Variants in RMC1 observed in about 807,000 individuals in gnomAD.
RMC1 encodes the protein regulator of MON1-CCZ1 complex.
A neutral mutation model predicts 95.5 loss-of-function variants in RMC1; 44 were observed. The ratio of observed to expected loss-of-function variants is 0.46; its 90% CI spans 0.36 to 0.59. The LOEUF (loss-of-function observed/expected upper bound fraction) is 0.59, where lower values mean the gene tolerates loss of function less well. Among genes scored for constraint, RMC1 ranks in the 20% least tolerant of loss-of-function variants. The pLI is 0.00. For missense variants in RMC1, 705 were observed against 819.6 expected (o/e 0.86, Z 1.71); for synonymous variants, 320 against 303.6 (o/e 1.05, Z -0.56).
At chr18:23,515,557 C>G (rs1054697781) in intron 5 of RMC1, among the ~76,000 whole-genome samples, 1 of 152,198 alleles carries the variant, frequency 6.6e-6, no homozygotes, top group African/African-American at 2.4e-5. Context: ...GAGACTGAAT[C>G]TCGCTCTGTC....
At chr18:23,513,095 A>G (rs1195031935) in intron 5 of RMC1, among the ~76,000 whole-genome samples, 1 of 152,064 alleles carries the variant, frequency 6.6e-6, no homozygotes, top group Non-Finnish European at 1.5e-5. Flanking sequence ...CTGGGATTAC[A>G]GGTGTGCGCC....
intron 1 of RMC1, 90 bp downstream of exon 1, chr18:23,503,810 C>T (rs1035575641): frequency 9.0e-7 from 1 of 1,107,418 alleles, no homozygotes; most frequent in Non-Finnish European, 1.2e-6. Flanking sequence ...GCCCGAGCGT[C>T]CCCTCCTGTC....
chr18:23,503,909 C>A (rs1188247705), intron 1 of RMC1, among the ~76,000 whole-genome samples, 189 bp downstream of exon 1: 1 of 152,084 alleles, frequency 6.6e-6, no homozygotes, highest in Non-Finnish European at 1.5e-5. Flanking sequence ...TCGCAGGTGA[C>A]CTCGGGGCTG....
At position 23,527,852 on chromosome 18, in the gene RMC1, T is replaced by C; in HGVS notation, c.1247T>C (p.Leu416Pro). The C allele has an allele frequency of 6.2e-7, 1 of 1,614,126 alleles. No homozygotes were observed. The highest frequency in any genetic ancestry group is 8.5e-7 in the Non-Finnish European group (1 of 1,180,014). ...GTGATAGCCACTGTTTTTGATAAAC[T>C]CAACCATGAGTATAAAAAGTACCTG... ...LPVIATVFDK[L>P]NHEYKKYLDA... Residue 416 changes from leucine to proline, a missense_variant, in exon 14 of 20, where the codon CTC becomes CCC. Transcript: ENST00000269221.
intron 5 of RMC1, among the ~76,000 whole-genome samples, chr18:23,514,801 A>G (rs1567919084): frequency 6.6e-6 from 1 of 151,808 alleles, no homozygotes; most frequent in Non-Finnish European, 1.5e-5. Flanking sequence ...AAGAAAGAAG[A>G]CTCTAGCACA....
intron 12 of RMC1, among the ~76,000 whole-genome samples, chr18:23,524,945 T>TC (rs1286496189): frequency 1.4e-5 from 2 of 139,266 alleles, no homozygotes. Flanking sequence ...AGAAATCTTT[T>TC]TTTTTTTTTT....
intron 9 of RMC1, among the ~76,000 whole-genome samples, chr18:23,519,509 T>G (rs1283555572): frequency 6.7e-6 from 1 of 150,110 alleles, no homozygotes; most frequent in Non-Finnish European, 1.5e-5. Flanking sequence ...TGGAGCAAGA[T>G]CCTGTCTCCG....
At chr18:23,516,201 G>T (rs1434872174) in intron 6 of RMC1, 119 bp from the exon 7 acceptor site, 1 of 1,357,122 alleles carries the variant, frequency 7.4e-7, no homozygotes, top group African/African-American at 1.4e-5. Flanking sequence ...GGACATGGGG[G>T]ACGGTGGAAA....
At chr18:23,520,403 G>A in intron 10 of RMC1, 90 bp downstream of exon 10, 1 of 1,046,098 alleles carries the variant, frequency 9.6e-7, no homozygotes, top group South Asian at 1.4e-5. Flanking sequence ...GTTAAAAGTG[G>A]AGTGAGGAAT....
rs1021181719 is a variant in RMC1 at position 23,531,804 on chromosome 18, C to T, written c.*100C>T. On this transcript the variant is annotated 3_prime_UTR_variant, in exon 20 of 20. Coordinates refer to ENST00000269221, the MANE Select transcript of RMC1 (RefSeq NM_013326.5). ...AAAATGTTATAAAGTGTATCTACAA[C>T]CTCAACTGTCACTAAAAATATGGTA... 33 of 1,518,648 alleles carry T rather than the reference C, an allele frequency of 2.2e-5. No individual in the cohort carries two copies. The highest frequency in any genetic ancestry group is 2.8e-5 in the Non-Finnish European group (32 of 1,142,736). 94.1% of individuals were successfully genotyped at this position (1,518,648 alleles called of 1,614,324 possible). A position where few individuals can be genotyped will look rare whatever the true frequency, so the allele number is the denominator to read the frequency against.
intron 10 of RMC1, among the ~76,000 whole-genome samples, chr18:23,523,543 C>CAAAAAAAAAA (rs374224848): frequency 1.1e-3 from 85 of 76,304 alleles, no homozygotes; most frequent in East Asian, 1.6e-3. Flanking sequence ...CTTGTCTTCA[C>CAAAAAAAAAA]AAAAAAAAAA....
rs559640828 is a variant in RMC1, at chr18:23,517,274, C to T, written c.653+851C>T. Among the ~76,000 whole-genome samples, 28 of 151,954 alleles carry T rather than the reference C, an allele frequency of 1.8e-4. 1 individual carries two copies. In the East Asian group the frequency reaches 3.5e-3, roughly 19 times the overall value. On this transcript the variant is annotated intron_variant, in intron 7 of 19. Coordinates refer to ENST00000269221, the MANE Select transcript of RMC1 (RefSeq NM_013326.5). ...AAGCGATTCTCCTGCCTCAGCCTCC[C>T]GAGTAGCTGGGACTACAGGTGCGTG...
intron 2 of RMC1, chr18:23,504,815 T>A (rs551780001): frequency 5.3e-6 from 1 of 187,066 alleles, no homozygotes; most frequent in East Asian, 1.3e-4. Flanking sequence ...ATTCATTGTT[T>A]CTCATGTAAT....
chr18:23,529,603 G>A, intron 15 of RMC1, 32 bp from the exon 16 acceptor site: 13 of 1,578,074 alleles, frequency 8.2e-6, no homozygotes, highest in Non-Finnish European at 1.1e-5. Flanking sequence ...CACCTCGTTG[G>A]TATTTGTAAG....
At chr18:23,519,450 C>T (rs530033292) in intron 9 of RMC1, among the ~76,000 whole-genome samples, 111 of 151,030 alleles carry the variant, frequency 7.3e-4, no homozygotes, top group African/African-American at 2.5e-3. Flanking sequence ...CCCAGGAGGT[C>T]GGGGCTTCAG....
intron 7 of RMC1, among the ~76,000 whole-genome samples, chr18:23,517,370 G>A (rs954012620): frequency 6.6e-6 from 1 of 151,980 alleles, no homozygotes; most frequent in Non-Finnish European, 1.5e-5. Context: ...GGGTGGTCTC[G>A]GTCTCTTGAC....
At chr18:23,524,851 G>A (rs940435572) in intron 12 of RMC1, among the ~76,000 whole-genome samples, 1 of 151,596 alleles carries the variant, frequency 6.6e-6, no homozygotes, top group East Asian at 1.9e-4. Flanking sequence ...GCATGAGCCC[G>A]GGAGGTGTGC....
At position 23,520,298 on chromosome 18, in the gene RMC1, C is replaced by G. The variant is rs757079651; in HGVS notation, c.946C>G (p.Gln316Glu). 3 of 1,613,742 alleles carry G rather than the reference C, an allele frequency of 1.9e-6. No homozygotes were observed. Among genetic ancestry groups the G allele is most frequent in the Middle Eastern group, 1.6e-4 (1 of 6,062 alleles). ...TCCCGCTCGATCGATCCAGCCCTAT[C>G]AGATCCCCATCACAGGTAACACGGG... The part of the protein sequence containing the change: ...VLPARSIQPY[Q>E]IPITGPAAVT... Residue 316 changes from glutamine (Q) to glutamate (E), a missense_variant, in exon 10 of 20, where the codon CAG becomes GAG. Transcript: ENST00000269221.
intron 14 of RMC1, chr18:23,528,257 G>A (rs2058367207): frequency 5.9e-6 from 1 of 170,770 alleles, no homozygotes. Context: ...TGAGGACTTA[G>A]AAAATTAAAT....
Sources: gnomAD v4.1 joint callset for allele counts (sites outside exome capture counted in the v4.1 genomes callset) on GRCh38, gnomAD v4.1.1 for gene constraint, MANE v1.5 for transcripts, NCBI Gene and HGNC (gene_info 2026-07-23, HGNC 2026-07-21) for gene names.